BRI3BP: variants seen among roughly 807,000 people sequenced by gnomAD.
BRI3BP encodes the protein BRI3-binding protein.
BRI3BP carries 7 observed loss-of-function variants against 15.8 expected under a neutral mutation model. The ratio of observed to expected loss-of-function variants is 0.44; its 90% CI spans 0.25 to 0.83. BRI3BP has a LOEUF of 0.83. Among genes scored for constraint, BRI3BP ranks in the 40% least tolerant of loss-of-function variants. The pLI, the probability that BRI3BP is intolerant of heterozygous loss-of-function variation, is 0.20. For synonymous variants in BRI3BP, 192 were observed against 163.5 expected, an observed-to-expected ratio of 1.17 and a Z score of -1.33; for missense variants, 320 against 339.3, an observed-to-expected ratio of 0.94 and a Z score of 0.45.
rs1565902653 is a variant in BRI3BP at position 125,003,985 on chromosome 12, ACACACACAC to A, written c.214-8548_214-8540del. 2.5e-4 allele frequency among the ~76,000 whole-genome samples: 37 copies of A among 150,762 alleles called. 1 individual carries two copies. Among genetic ancestry groups the A allele is most frequent in the African/African-American group, 8.7e-4 (36 of 41,146 alleles). On this transcript the variant is annotated intron_variant, in intron 1 of 2. Transcript: ENST00000341446. Reference sequence around the variant, plus strand: ...CACACACACACACACACACACACACACACACACACACACACACAACACACAATACCATCA... The same window carrying A: ...CACACACACACACACACACACACACAACACACACAACACACAATACCATCA...
rs1565908280 is a variant in BRI3BP, at chr12:125,028,119, ATCTT to A, written c.*2690_*2693del. ...ATAAATAACTCGGGAGGTCATCTCT[ATCTT>A]CTTTCCTTTTGTGCATTTGGCTATA... is the stretch of plus-strand genomic sequence containing the variant. On this transcript the variant is annotated 3_prime_UTR_variant, in exon 3 of 3. Coordinates refer to ENST00000341446, the MANE Select transcript of BRI3BP (RefSeq NM_080626.6). The A allele has an allele frequency of 6.6e-6, 1 of 152,180 alleles. No homozygotes were observed. The highest frequency in any genetic ancestry group is 1.9e-4 in the East Asian group (1 of 5,202). 9.4% of individuals were successfully genotyped at this position (152,180 alleles called of 1,614,324 possible). A position where few individuals can be genotyped will look rare whatever the true frequency, so the allele number is the denominator to read the frequency against.
chr12:125,025,040 G>A lies in BRI3BP; in HGVS notation c.366G>A (p.Pro122=), dbSNP rs372033878. The A allele has an allele frequency of 1.1e-5, 18 of 1,613,236 alleles. No individual in the cohort carries two copies. Among genetic ancestry groups the A allele is most frequent in the African/African-American group, 1.1e-4 (8 of 74,884 alleles). ...YFSPASVSSS[P]ARALLLVGVV... Reference sequence around the variant, plus strand: ...GCCCAGCCTCGGTGTCCAGCAGCCCGGCCCGCGCGCTCCTGCTGGTCGGCG... The same window carrying A: ...GCCCAGCCTCGGTGTCCAGCAGCCCAGCCCGCGCGCTCCTGCTGGTCGGCG... The change falls in exon 3 of 3, where the codon CCG becomes CCA. Residue 122 remains proline (P), a synonymous_variant. Coordinates refer to ENST00000341446, the MANE Select transcript of BRI3BP (RefSeq NM_080626.6).
rs765909727 is a variant in BRI3BP, at chr12:125,012,635, C to T, written c.315C>T (p.Asp105=). 14 of 1,596,074 alleles carry T rather than the reference C, an allele frequency of 8.8e-6. No individual in the cohort carries two copies. Among genetic ancestry groups the T allele is most frequent in the Admixed American group, 6.7e-5 (4 of 59,962 alleles). ...AGCTCTTGGATGTTCTTGGACTTGACGGTAGGTGTAGGGGTGGCATTCACG... is the reference window on the plus strand; with the variant it reads ...AGCTCTTGGATGTTCTTGGACTTGATGGTAGGTGTAGGGGTGGCATTCACG... ...WTELLDVLGL[D]VSNLSQYFSP... Residue 105 remains aspartate, a splice_region_variant and synonymous_variant, in exon 2 of 3, where the codon GAC becomes GAT. Coordinates refer to ENST00000341446, the MANE Select transcript of BRI3BP (RefSeq NM_080626.6).
chr12:124,999,910 C>G (rs1391231850), intron 1 of BRI3BP, among the ~76,000 whole-genome samples: 1 of 212 alleles, frequency 4.7e-3, no homozygotes, highest in Non-Finnish European at 0.01. Flanking sequence ...GTGAGACACC[C>G]GACCCAGCCT....
chr12:125,016,484 T>C (rs1433361730), intron 2 of BRI3BP, among the ~76,000 whole-genome samples: 2 of 121,822 alleles, frequency 1.6e-5, no homozygotes, highest in Non-Finnish European at 3.2e-5. Context: ...TAAAAAGAAA[T>C]GGTGAAATTA....
rs1028326354 is a variant in BRI3BP at position 125,008,547 on chromosome 12, T to C, written c.214-3987T>C. Among the ~76,000 whole-genome samples the C allele has an allele frequency of 3.3e-5, 5 of 151,710 alleles. No individual in the cohort carries two copies. In the South Asian group the frequency reaches 6.2e-4, roughly 19 times the overall value. On this transcript the variant is annotated intron_variant, in intron 1 of 2. Transcript: ENST00000341446. ...CAGGATGGTCTAGATCTCCTGACCTTGTGATCCGCCCGCCTCGGCCTCCCA... is the reference window on the plus strand; with the variant it reads ...CAGGATGGTCTAGATCTCCTGACCTCGTGATCCGCCCGCCTCGGCCTCCCA...
At chr12:125,041,463 C>G in the BRI3BP span, among the ~76,000 whole-genome samples, 1 of 151,978 alleles carries the variant, frequency 6.6e-6, no homozygotes, top group Non-Finnish European at 1.5e-5. Context: ...TAGATATAAC[C>G]CACAGAAACA....
chr12:125,049,064 T>C, the BRI3BP span, among the ~76,000 whole-genome samples: 1 of 152,160 alleles, frequency 6.6e-6, no homozygotes, highest in Non-Finnish European at 1.5e-5. Context: ...GTTCAAGCGA[T>C]TCTCCTCCTG....
At chr12:124,997,214 C>CTCTT (rs1335395514) in intron 1 of BRI3BP, among the ~76,000 whole-genome samples, 1 of 51,550 alleles carries the variant, frequency 1.9e-5, no homozygotes, top group African/African-American at 1.0e-4. Context: ...CTTTACTTCT[C>CTCTT]TTTTTTTTTT....
chr12:124,994,271 G>T (rs897308385), intron 1 of BRI3BP, among the ~76,000 whole-genome samples: 1 of 152,058 alleles, frequency 6.6e-6, no homozygotes, highest in African/African-American at 2.4e-5. Flanking sequence ...CGCAGCCAGA[G>T]TCTCTCCCGG....
At chr12:125,016,935 A>G (rs1190081095) in intron 2 of BRI3BP, among the ~76,000 whole-genome samples, 1 of 145,940 alleles carries the variant, frequency 6.9e-6, no homozygotes, top group African/African-American at 2.5e-5. Flanking sequence ...ACCCAGGCTC[A>G]GGTGATCCTC....
rs184938116 is a variant in BRI3BP at position 125,021,214 on chromosome 12, C to T, written c.317-3777C>T. Among the ~76,000 whole-genome samples the T allele has an allele frequency of 1.7e-3, 259 of 152,310 alleles. 5 individuals are homozygous for T. The highest frequency in any genetic ancestry group is 6.5e-3 in the Admixed American group (99 of 15,292). ...GTCCTGGTGACCCCAAGCCTTTAGT[C>T]CCAGAGATGGCTGCTGTTTACAGTG... On this transcript the variant is annotated intron_variant, in intron 2 of 2. Transcript: ENST00000341446.
chr12:125,047,481 T>TC, the BRI3BP span, among the ~76,000 whole-genome samples: 1 of 151,648 alleles, frequency 6.6e-6, no homozygotes, highest in Non-Finnish European at 1.5e-5. Flanking sequence ...CCTTTTTTTT[T>TC]CTTTTTTTTC....
intron 1 of BRI3BP, among the ~76,000 whole-genome samples, chr12:125,001,292 G>A (rs1196562520): frequency 5.3e-5 from 8 of 151,956 alleles, no homozygotes; most frequent in Non-Finnish European, 8.8e-5. Flanking sequence ...TCCTGACCTC[G>A]TGATCTGCCC....
intron 1 of BRI3BP, among the ~76,000 whole-genome samples, chr12:125,000,504 G>A (rs1430544292): frequency 3.3e-5 from 5 of 151,290 alleles, no homozygotes; most frequent in East Asian, 1.9e-4. Context: ...TAGTAGAGAC[G>A]GGGTTTCACC....
Position 125,019,793 on chromosome 12 carries a change from C to T in BRI3BP, c.317-5198C>T, listed in dbSNP as rs529811447. ...TCTAAATAGCTAGATAGGAAAGAGACTGGCAAACATTCAAAGCACTGCCAC... is the reference window on the plus strand; with the variant it reads ...TCTAAATAGCTAGATAGGAAAGAGATTGGCAAACATTCAAAGCACTGCCAC... On this transcript the variant is annotated intron_variant, in intron 2 of 2. Coordinates refer to ENST00000341446, the MANE Select transcript of BRI3BP (RefSeq NM_080626.6). 1.2e-3 allele frequency among the ~76,000 whole-genome samples: 181 copies of T among 151,860 alleles called. 1 individual carries two copies. The highest frequency in any genetic ancestry group is 4.2e-3 in the African/African-American group (175 of 41,392).
At chr12:125,022,541 A>ATTTATTTATTTTATTTTTTT in intron 2 of BRI3BP, among the ~76,000 whole-genome samples, 12 of 139,402 alleles carry the variant, frequency 8.6e-5, no homozygotes, top group African/African-American at 2.9e-4. Context: ...TTATTTATTT[A>ATTTATTTATTTTATTTTTTT]TTTTTTGAGA....
At chr12:125,049,399 C>A in the BRI3BP span, among the ~76,000 whole-genome samples, 1 of 152,176 alleles carries the variant, frequency 6.6e-6, no homozygotes, top group Non-Finnish European at 1.5e-5. Context: ...ATCCTAGGGG[C>A]TCATCTGCGT....
intron 1 of BRI3BP, among the ~76,000 whole-genome samples, chr12:125,004,254 G>A (rs1955123556): frequency 6.6e-6 from 1 of 152,104 alleles, no homozygotes; most frequent in South Asian, 2.1e-4. Flanking sequence ...CTCACTTGCA[G>A]CTTCAACCTC....
Sources: allele counts gnomAD v4.1 joint callset (sites outside exome capture counted in the v4.1 genomes callset), GRCh38; gene constraint gnomAD v4.1.1; transcripts MANE v1.5; gene names NCBI Gene and HGNC (gene_info 2026-07-23, HGNC 2026-07-21).